Variants in STK3 observed in about 807,000 individuals in gnomAD.
STK3 encodes the protein serine/threonine-protein kinase 3.
STK3 carries 41 observed loss-of-function variants against 58.0 expected under a neutral mutation model. That is an observed-to-expected ratio of 0.71 (90% confidence interval 0.55 to 0.92). The LOEUF (loss-of-function observed/expected upper bound fraction) is 0.92, where lower values mean the gene tolerates loss of function less well. Ranked by LOEUF, STK3 falls within the 40% of genes least tolerant of loss-of-function variation. The pLI is 0.00. For synonymous variants in STK3, 170 were observed against 191.0 expected (o/e 0.89, Z 0.91); for missense variants, 479 against 602.7 (o/e 0.79, Z 2.15).
intron 3 of STK3, chr8:98,875,836 A>G (rs191083514): frequency 1.4e-4 from 21 of 152,346 alleles, no homozygotes; most frequent in African/African-American, 4.8e-4. Context: ...AATGATTAGT[A>G]TGAGTTTTCT....
chr8:98,637,890 A>T (rs1490476226), intron 6 of STK3, among the ~76,000 whole-genome samples: 2 of 152,212 alleles, frequency 1.3e-5, no homozygotes, highest in Non-Finnish European at 2.9e-5. Context: ...CAAACTAAGT[A>T]ATAGAAATAT....
chr8:98,389,877 G>A (rs371737829), upstream of STK3, among the ~76,000 whole-genome samples: 68 of 151,926 alleles, frequency 4.5e-4, no homozygotes, highest in African/African-American at 1.5e-3. Context: ...GGAGGGAGAA[G>A]AACCGGACAG....
rs1440471683 is a variant in STK3 at position 98,659,485 on chromosome 8, A to G, written c.684+46982T>C. Among the ~76,000 whole-genome samples, 3 of 151,952 alleles carry G rather than the reference A, an allele frequency of 2.0e-5. No homozygotes were observed. The East Asian group carries it at 5.8e-4, about 29-fold the overall frequency. ...TTTATCAGAAACAGATGTCAGCAAT[A>G]CAATTTTGATGGAATTACTTAACTT... On this transcript the variant is annotated intron_variant, in intron 6 of 10. Coordinates refer to ENST00000419617, the MANE Select transcript of STK3 (RefSeq NM_006281.4).
chr8:98,819,161 C>T (rs1475293831), intron 1 of STK3, among the ~76,000 whole-genome samples: 1 of 152,102 alleles, frequency 6.6e-6, no homozygotes, highest in Non-Finnish European at 1.5e-5. Flanking sequence ...CTCTGTTGCC[C>T]AGGATGGAAT....
chr8:98,726,389 G>A (rs1827796992), intron 4 of STK3, among the ~76,000 whole-genome samples: 1 of 152,206 alleles, frequency 6.6e-6, no homozygotes, highest in African/African-American at 2.4e-5. Flanking sequence ...ATGTAATGAA[G>A]CGTGATGTGT....
intron 8 of STK3, among the ~76,000 whole-genome samples, chr8:98,570,087 T>C (rs1454163647): frequency 2.7e-5 from 4 of 147,580 alleles, no homozygotes; most frequent in South Asian, 2.1e-4. Context: ...AAAATATAAA[T>C]ATATAATAAA....
chr8:98,928,294 C>T (rs1363683548), intron 1 of STK3, among the ~76,000 whole-genome samples: 1 of 152,170 alleles, frequency 6.6e-6, no homozygotes, highest in Non-Finnish European at 1.5e-5. Flanking sequence ...ATCACCTCAC[C>T]AGGAGAAAAT....
At position 98,687,887 on chromosome 8, in the gene STK3, C is replaced by G. The variant is rs574016232; in HGVS notation, c.684+18580G>C. On this transcript the variant is annotated intron_variant, in intron 6 of 10. Coordinates refer to ENST00000419617, the MANE Select transcript of STK3 (RefSeq NM_006281.4). Reference sequence around the variant, plus strand: ...CTATACAATCGAGACTACAAAGCAACTAGCTAACAACCCTGTGATGGGAAC... The same window carrying G: ...CTATACAATCGAGACTACAAAGCAAGTAGCTAACAACCCTGTGATGGGAAC... Among the ~76,000 whole-genome samples, 6 of 152,276 alleles carry G rather than the reference C, an allele frequency of 3.9e-5. No homozygotes were observed. In the East Asian group the frequency reaches 1.2e-3, roughly 29 times the overall value.
intron 2 of STK3, among the ~76,000 whole-genome samples, chr8:98,767,874 T>C (rs904762227): frequency 6.6e-6 from 1 of 152,242 alleles, no homozygotes; most frequent in African/African-American, 2.4e-5. Flanking sequence ...CATCTGCTTC[T>C]ACCTGATTTA....
chr8:98,891,307 C>T (rs1005481210), intron 1 of STK3, among the ~76,000 whole-genome samples: 1 of 152,218 alleles, frequency 6.6e-6, no homozygotes, highest in Non-Finnish European at 1.5e-5. Flanking sequence ...TAAGGCAGAC[C>T]AGGTGCACTT....
intron 4 of STK3, among the ~76,000 whole-genome samples, chr8:98,737,235 A>G (rs1354910833): frequency 1.3e-5 from 2 of 152,202 alleles, no homozygotes; most frequent in Admixed American, 1.3e-4. Flanking sequence ...AATAATAAGA[A>G]AAGTCAATTC....
chr8:98,574,850 G>C (rs1205910377), intron 8 of STK3, among the ~76,000 whole-genome samples: 1 of 152,152 alleles, frequency 6.6e-6, no homozygotes, highest in Non-Finnish European at 1.5e-5. Flanking sequence ...CCTGAGGTAG[G>C]AATAGAACTT....
At chr8:98,897,520 G>C (rs557444769) in intron 1 of STK3, among the ~76,000 whole-genome samples, 2 of 152,098 alleles carry the variant, frequency 1.3e-5, no homozygotes, top group South Asian at 4.1e-4. Flanking sequence ...GCGTGAACCC[G>C]GGAGGCGGAG....
At chr8:98,482,303 A>G (rs931732029) in intron 10 of STK3, among the ~76,000 whole-genome samples, 4 of 152,228 alleles carry the variant, frequency 2.6e-5, no homozygotes, top group Non-Finnish European at 5.9e-5. Context: ...AGTTAAAGCT[A>G]AATGTTCTCA....
chr8:98,602,807 G>A (rs1033311278), intron 6 of STK3, among the ~76,000 whole-genome samples: 7 of 150,308 alleles, frequency 4.7e-5, no homozygotes, highest in African/African-American at 1.5e-4. Flanking sequence ...GAAAGTAGAT[G>A]AAAGAGTCAT....
chr8:98,761,623 T>G (rs1830621151), intron 3 of STK3, among the ~76,000 whole-genome samples: 1 of 152,200 alleles, frequency 6.6e-6, no homozygotes, highest in Non-Finnish European at 1.5e-5. Flanking sequence ...CTTAGTATGG[T>G]AATACAGTGT....
chr8:98,870,589 G>A (rs187956317), intron 3 of STK3, among the ~76,000 whole-genome samples: 1 of 152,266 alleles, frequency 6.6e-6, no homozygotes, highest in African/African-American at 2.4e-5. Context: ...TTCTCTAATG[G>A]CCAGTGATCA....
chr8:98,848,634 T>C (rs1358070753), intron 3 of STK3, among the ~76,000 whole-genome samples: 2 of 152,250 alleles, frequency 1.3e-5, no homozygotes, highest in African/African-American at 4.8e-5. Flanking sequence ...CTTCTTTCAT[T>C]TAGCATAACA....
At chr8:98,869,074 G>GGAAGGAAGGAAGGAAGGAAA (rs1564072424) in intron 3 of STK3, among the ~76,000 whole-genome samples, 57 of 130,466 alleles carry the variant, frequency 4.4e-4, no homozygotes, top group African/African-American at 1.6e-3. Context: ...AAGGAAGGAA[G>GGAAGGAAGGAAGGAAGGAAA]GAAGGAAGGA....
Sources: gnomAD v4.1 joint callset for allele counts (sites outside exome capture counted in the v4.1 genomes callset) on GRCh38, gnomAD v4.1.1 for gene constraint, MANE v1.5 for transcripts, NCBI Gene and HGNC (gene_info 2026-07-23, HGNC 2026-07-21) for gene names.